CEP128: variants seen among roughly 807,000 people sequenced by gnomAD.
CEP128 encodes the protein centrosomal protein 128, also known as centrosomal protein 128kDa.
CEP128 carries 132 observed loss-of-function variants against 156.7 expected under a neutral mutation model. The ratio of observed to expected loss-of-function variants is 0.84; its 90% CI spans 0.73 to 0.97. The LOEUF is 0.97. CEP128 is among the 50% of genes least tolerant of loss of function. The pLI is 0.00. For missense variants in CEP128, 1,252 were observed against 1,281.9 expected (o/e 0.98, Z 0.36); for synonymous variants, 469 against 448.9 (o/e 1.04, Z -0.57).
intron 23 of CEP128, among the ~76,000 whole-genome samples, chr14:80,518,366 C>G (rs1888589710): frequency 6.6e-6 from 1 of 151,842 alleles, no homozygotes; most frequent in Non-Finnish European, 1.5e-5. Context: ...CCAGCTAGCC[C>G]TGTCTCTCAT....
intron 8 of CEP128, among the ~76,000 whole-genome samples, chr14:80,875,779 C>T (rs780277655): frequency 1.2e-4 from 18 of 151,876 alleles, no homozygotes; most frequent in Non-Finnish European, 2.1e-4. Context: ...GCACACTCGC[C>T]CTAAAGGGAA....
At chr14:80,790,585 T>C (rs908976812) in intron 14 of CEP128, among the ~76,000 whole-genome samples, 6 of 152,074 alleles carry the variant, frequency 3.9e-5, no homozygotes, top group Non-Finnish European at 7.4e-5. Flanking sequence ...GGTTTTTTTT[T>C]TCCCCTGCAG....
At chr14:80,867,502 C>T (rs2140176183) in intron 8 of CEP128, among the ~76,000 whole-genome samples, 1 of 151,954 alleles carries the variant, frequency 6.6e-6, no homozygotes, top group Admixed American at 6.6e-5. Flanking sequence ...GTTGCATGAA[C>T]AAAATTAGAA....
chr14:80,941,043 G>T (rs975404991), intron 1 of CEP128, among the ~76,000 whole-genome samples: 2 of 152,188 alleles, frequency 1.3e-5, no homozygotes, highest in East Asian at 1.9e-4. Context: ...TCAATGTCAG[G>T]TATTTTTACG....
chr14:80,666,526 A>G (rs1349947225), intron 19 of CEP128, among the ~76,000 whole-genome samples: 1 of 152,202 alleles, frequency 6.6e-6, no homozygotes, highest in African/African-American at 2.4e-5. Context: ...ATATTCTGAA[A>G]TACACATCAA....
chr14:80,853,628 A>G (rs1887005415), intron 9 of CEP128, among the ~76,000 whole-genome samples: 1 of 152,034 alleles, frequency 6.6e-6, no homozygotes, highest in Non-Finnish European at 1.5e-5. Context: ...CATTATTGGA[A>G]AACATTAGAA....
At chr14:80,843,028 CATAGTT>C (rs892681804) in intron 9 of CEP128, among the ~76,000 whole-genome samples, 2 of 150,852 alleles carry the variant, frequency 1.3e-5, no homozygotes, top group African/African-American at 4.8e-5. Flanking sequence ...TCTAAACTCT[CATAGTT>C]ATATATAATA....
intron 19 of CEP128, among the ~76,000 whole-genome samples, chr14:80,607,660 C>T (rs1566808185): frequency 6.6e-6 from 1 of 152,084 alleles, no homozygotes; most frequent in Non-Finnish European, 1.5e-5. Context: ...AGAGTAAGAA[C>T]ACTTAGGTCT....
chr14:80,659,550 A>G (rs1362984414), intron 19 of CEP128, among the ~76,000 whole-genome samples: 2 of 152,188 alleles, frequency 1.3e-5, no homozygotes, highest in Non-Finnish European at 2.9e-5. Context: ...ACTGATATCT[A>G]TAACTCCGTG....
chr14:80,641,482 T>C (rs1354236435), intron 19 of CEP128, among the ~76,000 whole-genome samples: 1 of 152,230 alleles, frequency 6.6e-6, no homozygotes, highest in Non-Finnish European at 1.5e-5. Context: ...TGATGTTGTA[T>C]GGCCTGTGCC....
At chr14:80,528,916 T>C (rs1411359039) in intron 22 of CEP128, among the ~76,000 whole-genome samples, 1 of 152,224 alleles carries the variant, frequency 6.6e-6, no homozygotes, top group Non-Finnish European at 1.5e-5. Context: ...CAAGGCTTTA[T>C]GTATTTTCAT....
intron 19 of CEP128, among the ~76,000 whole-genome samples, chr14:80,674,585 T>C: frequency 6.6e-6 from 1 of 152,126 alleles, no homozygotes; most frequent in Non-Finnish European, 1.5e-5. Context: ...TTAGAAAACC[T>C]CTCTAAAGTC....
intron 9 of CEP128, among the ~76,000 whole-genome samples, chr14:80,850,698 T>C (rs1886847372): frequency 6.6e-6 from 1 of 152,188 alleles, no homozygotes; most frequent in South Asian, 2.1e-4. Context: ...CTCACACAGC[T>C]ATGTTAACAT....
intron 2 of CEP128, among the ~76,000 whole-genome samples, chr14:80,928,732 C>T (rs1013426051): frequency 6.6e-6 from 1 of 151,936 alleles, no homozygotes; most frequent in African/African-American, 2.4e-5. Flanking sequence ...ATAATTAACT[C>T]GAGATGGATT....
intron 15 of CEP128, among the ~76,000 whole-genome samples, chr14:80,781,596 G>GAT (rs1045294113): frequency 3.9e-5 from 6 of 152,100 alleles, no homozygotes; most frequent in Admixed American, 3.3e-4. Context: ...GACACACTCA[G>GAT]ATATATATTT....
rs55964142 is a variant in CEP128, at chr14:80,733,339, C to CGTGTGTGTGTGTGTGT, written c.2806+9720_2806+9735dup. On this transcript the variant is annotated intron_variant, in intron 19 of 24. Coordinates refer to ENST00000555265, the MANE Select transcript of CEP128 (RefSeq NM_152446.5). ...TCTCAGTCTTCATAACCACATGGGT[C>CGTGTGTGTGTGTGTGT]GTGTGTGTGTGTGTGTGTGTGTGTG... Among the ~76,000 whole-genome samples the CGTGTGTGTGTGTGTGT allele has an allele frequency of 3.9e-4, 55 of 140,240 alleles. 2 individuals are homozygous for CGTGTGTGTGTGTGTGT. The highest frequency in any genetic ancestry group is 1.3e-3 in the African/African-American group (50 of 37,096). 92.0% of individuals were successfully genotyped at this position (140,240 alleles called of 152,430 possible). A position where few individuals can be genotyped will look rare whatever the true frequency, so the allele number is the denominator to read the frequency against.
rs1168222776 is a variant in CEP128, at chr14:80,739,709, T to C, written c.2806+3366A>G. ...TAGAGAGTTAAATCATAGTATACAATAGGGCTAGAATTAATACTAACAATG... is the reference window on the plus strand; with the variant it reads ...TAGAGAGTTAAATCATAGTATACAACAGGGCTAGAATTAATACTAACAATG... On this transcript the variant is annotated intron_variant, in intron 19 of 24. Coordinates refer to ENST00000555265, the MANE Select transcript of CEP128 (RefSeq NM_152446.5). Among the ~76,000 whole-genome samples, 5 of 152,172 alleles carry C rather than the reference T, an allele frequency of 3.3e-5. No homozygotes were observed. In the East Asian group the frequency reaches 7.7e-4, roughly 23 times the overall value.
chr14:80,936,152 G>A (rs986441904), intron 2 of CEP128, among the ~76,000 whole-genome samples: 21 of 152,142 alleles, frequency 1.4e-4, no homozygotes, highest in African/African-American at 4.8e-5. Flanking sequence ...GAGCACATTC[G>A]TTCACAAGCA....
chr14:80,477,600 T>C (rs915739670), exon 15 of CEP128: 2 of 152,194 alleles, frequency 1.3e-5, no homozygotes, highest in South Asian at 2.1e-4. Context: ...GCCTGAATAA[T>C]GAGTGGAACT....
Sources: allele counts gnomAD v4.1 joint callset (sites outside exome capture counted in the v4.1 genomes callset), GRCh38; gene constraint gnomAD v4.1.1; transcripts MANE v1.5; gene names NCBI Gene and HGNC (gene_info 2026-07-23, HGNC 2026-07-21).